HSD17B8: variants seen among roughly 807,000 people sequenced by gnomAD.
The protein encoded by HSD17B8 is hydroxysteroid 17-beta dehydrogenase 8, also known as (3R)-3-hydroxyacyl-CoA dehydrogenase.
Under a neutral mutation model 33.2 loss-of-function variants are expected in HSD17B8, and 23 were observed. The observed-to-expected ratio is 0.69, with a 90% confidence interval of 0.50 to 0.98. The LOEUF (loss-of-function observed/expected upper bound fraction) is 0.98, where lower values mean the gene tolerates loss of function less well. Ranked by LOEUF, HSD17B8 falls within the 50% of genes least tolerant of loss-of-function variation. The pLI is 0.00. For synonymous variants in HSD17B8, 137 were observed against 138.6 expected, an observed-to-expected ratio of 0.99 and a Z score of 0.08; for missense variants, 345 against 347.5, an observed-to-expected ratio of 0.99 and a Z score of 0.06.
At position 33,206,637 on chromosome 6, in the gene HSD17B8, G is replaced by A. The variant is rs1174917279; in HGVS notation, c.770-1G>A. On this transcript the variant is annotated splice_acceptor_variant, in intron 8 of 8. Coordinates refer to ENST00000374662, the MANE Select transcript of HSD17B8 (RefSeq NM_014234.5). LOFTEE classifies it high-confidence loss of function. The surrounding 1 kb of genome is among the most constrained non-coding windows in gnomAD (Gnocchi z 6.2). ...TGTCCAAATGTTTCTGCCCCTCCCA[G>A]GAGGTCTTTTCATGTAACTGCCTCA... 1 of 1,613,936 alleles carries A rather than the reference G, an allele frequency of 6.2e-7. No individual in the cohort carries two copies. The highest frequency in any genetic ancestry group is 1.3e-5 in the African/African-American group (1 of 74,990).
In HSD17B8 at chr6:33,206,052, T is replaced by C. The variant is rs1416578075; in HGVS notation, c.652-82T>C. ...AAATATTCAATGAATGTATGAGAAA[T>C]GAAGACAAAAAAGGGTCACAGACTC... On this transcript the variant is annotated intron_variant, in intron 6 of 8. Coordinates refer to ENST00000374662, the MANE Select transcript of HSD17B8 (RefSeq NM_014234.5). The surrounding 1 kb of genome is among the most constrained non-coding windows in gnomAD (Gnocchi z 6.2). 8 of 1,505,182 alleles carry C rather than the reference T, an allele frequency of 5.3e-6. No individual in the cohort carries two copies. The highest frequency in any genetic ancestry group is 7.3e-6 in the Non-Finnish European group (8 of 1,091,872). The allele number at this position is 1,505,182 out of a possible 1,614,324, so 93.2% of individuals were successfully genotyped here.
In HSD17B8 at chr6:33,206,066, G is replaced by C; in HGVS notation, c.652-68G>C. On this transcript the variant is annotated intron_variant, in intron 6 of 8. Transcript: ENST00000374662. The surrounding 1 kb of genome is among the most constrained non-coding windows in gnomAD (Gnocchi z 6.2). ...TGTATGAGAAATGAAGACAAAAAAGGGTCACAGACTCAGTCTTCAAAAAAA... is the reference window on the plus strand; with the variant it reads ...TGTATGAGAAATGAAGACAAAAAAGCGTCACAGACTCAGTCTTCAAAAAAA... 1 of 1,542,162 alleles carries C rather than the reference G, an allele frequency of 6.5e-7. No individual in the cohort carries two copies. Among genetic ancestry groups the C allele is most frequent in the East Asian group, 2.3e-5 (1 of 44,398 alleles).
At position 33,206,689 on chromosome 6, in the gene HSD17B8, C is replaced by A. The variant is rs567886650; in HGVS notation, c.*35C>A. 2.4e-5 allele frequency: 39 copies of A among 1,609,800 alleles called. No homozygotes were observed. The highest frequency in any genetic ancestry group is 2.3e-4 in the South Asian group (21 of 90,980). On this transcript the variant is annotated 3_prime_UTR_variant, in exon 9 of 9. Transcript: ENST00000374662. This position sits in a 1 kb window ranked among gnomAD's most constrained non-coding sequence, Gnocchi z 6.2. ...GGACCCTGGACTCTGCTCACCCCCC[C>A]ACCACTCTGCCTGGCCTCCTGCTGA...
Position 33,204,731 on chromosome 6 carries a change from T to G in HSD17B8, c.52+11T>G. ...TGGCCTTGGTCACAGGTTGAGGGGGTTCTTTCCCCGGGCGGTTTGGGGTAT... is the reference window on the plus strand; with the variant it reads ...TGGCCTTGGTCACAGGTTGAGGGGGGTCTTTCCCCGGGCGGTTTGGGGTAT... On this transcript the variant is annotated intron_variant, in intron 1 of 8. Transcript: ENST00000374662. The G allele has an allele frequency of 6.2e-7, 1 of 1,610,324 alleles. No homozygotes were observed. Among genetic ancestry groups the G allele is most frequent in the South Asian group, 1.1e-5 (1 of 91,024 alleles).
chr6:33,204,981 C>A lies in HSD17B8; in HGVS notation c.132C>A (p.Asp44Glu). The change falls in exon 2 of 9, where the codon GAC becomes GAA. Residue 44 changes from aspartate (D) to glutamate (E), a missense_variant. By Grantham distance (45) the Asp-to-Glu change is conservative (BLOSUM62 2). Transcript: ENST00000374662. ...EGATVAACDL[D>E]RAAAQETVRL... ...CCACCGTAGCTGCCTGCGACCTGGA[C>A]CGGGCAGCGGCACAGGAGACGGTGC... The A allele has an allele frequency of 6.7e-7, 1 of 1,481,638 alleles. No individual in the cohort carries two copies. The highest frequency in any genetic ancestry group is 8.9e-7 in the Non-Finnish European group (1 of 1,121,612). 91.8% of individuals were successfully genotyped at this position (1,481,638 alleles called of 1,614,324 possible). A position where few individuals can be genotyped will look rare whatever the true frequency, so the allele number is the denominator to read the frequency against.
At chr6:33,204,780 C>G (rs1774909846) in intron 1 of HSD17B8, 60 bp downstream of exon 1, 1 of 1,603,130 alleles carries the variant, frequency 6.2e-7, no homozygotes, top group Non-Finnish European at 8.5e-7. Context: ...GGGGCGTGCC[C>G]TTGGAGTGCG....
At position 33,205,465 on chromosome 6, in the gene HSD17B8, C is replaced by G. The variant is rs1266151086; in HGVS notation, c.406C>G (p.Gln136Glu). ...VNLKGTFLVT[Q>E]AAAQALVSNG... is the part of the protein sequence containing the mutation. ...CCGCCAGGGCACCTTCCTAGTCACT[C>G]AGGCTGCAGCACAAGCCCTGGTGTC... The change falls in exon 4 of 9, where the codon CAG (glutamine) becomes GAG (glutamate). Residue 136 changes from glutamine to glutamate, a missense_variant. Coordinates refer to ENST00000374662, the MANE Select transcript of HSD17B8 (RefSeq NM_014234.5). This position sits in a 1 kb window ranked among gnomAD's most constrained non-coding sequence, Gnocchi z 5.0. 6.2e-7 allele frequency: 1 copy of G among 1,613,182 alleles called. No individual in the cohort carries two copies. Among genetic ancestry groups the G allele is most frequent in the South Asian group, 1.1e-5 (1 of 91,088 alleles).
rs749654732 is a variant in HSD17B8, at chr6:33,206,671, G to C, written c.*17G>C. The C allele has an allele frequency of 3.1e-6, 5 of 1,613,430 alleles. 1 individual carries two copies. In the South Asian group the frequency reaches 5.5e-5, roughly 18 times the overall value. ...TTCATGTAACTGCCTCAAGGACCCTGGACTCTGCTCACCCCCCCACCACTC... is the reference window on the plus strand; with the variant it reads ...TTCATGTAACTGCCTCAAGGACCCTCGACTCTGCTCACCCCCCCACCACTC... On this transcript the variant is annotated 3_prime_UTR_variant, in exon 9 of 9. Transcript: ENST00000374662. This position sits in a 1 kb window ranked among gnomAD's most constrained non-coding sequence, Gnocchi z 6.2.
rs752825641 is a variant in HSD17B8, at chr6:33,205,559, G to A, written c.480+20G>A. 6.8e-6 allele frequency: 11 copies of A among 1,612,480 alleles called. No homozygotes were observed. The highest frequency in any genetic ancestry group is 9.3e-6 in the Non-Finnish European group (11 of 1,179,494). On this transcript the variant is annotated intron_variant, in intron 4 of 8. Transcript: ENST00000374662. This position sits in a 1 kb window ranked among gnomAD's most constrained non-coding sequence, Gnocchi z 5.0. ...GGAAAGGTCAGGTTGAGTTGGACGAGGTCAGCCAGCCAAGTGGTATAGAGA... is the reference window on the plus strand; with the variant it reads ...GGAAAGGTCAGGTTGAGTTGGACGAAGTCAGCCAGCCAAGTGGTATAGAGA...
Position 33,205,579 on chromosome 6 carries a change from T to G in HSD17B8, c.480+40T>G. The G allele has an allele frequency of 1.2e-6, 2 of 1,611,426 alleles. No individual in the cohort carries two copies. The highest frequency in any genetic ancestry group is 1.7e-6 in the Non-Finnish European group (2 of 1,178,542). Reference sequence around the variant, plus strand: ...GACGAGGTCAGCCAGCCAAGTGGTATAGAGAGGAGAACCCCTCCTTGAGAC... The same window carrying G: ...GACGAGGTCAGCCAGCCAAGTGGTAGAGAGAGGAGAACCCCTCCTTGAGAC... On this transcript the variant is annotated intron_variant, in intron 4 of 8. Coordinates refer to ENST00000374662, the MANE Select transcript of HSD17B8 (RefSeq NM_014234.5). The surrounding 1 kb of genome is among the most constrained non-coding windows in gnomAD (Gnocchi z 5.0).
rs763890055 is a variant in HSD17B8 at position 33,205,052 on chromosome 6, ACCATGCTGCCTT to A, written c.207_218del (p.His69_Phe72del). On this transcript the variant is annotated inframe_deletion, in exon 2 of 9. Coordinates refer to ENST00000374662, the MANE Select transcript of HSD17B8 (RefSeq NM_014234.5). This position sits in a 1 kb window ranked among gnomAD's most constrained non-coding sequence, Gnocchi z 5.0. ...AGCAAGGAGGGGCCGCCCCGAGGGA[ACCATGCTGCCTT>A]CCAGGCTGACGTGTCTGAGGCCAGG... 6.4e-7 allele frequency: 1 copy of A among 1,557,342 alleles called. No individual in the cohort carries two copies. Among genetic ancestry groups the A allele is most frequent in the South Asian group, 1.2e-5 (1 of 81,852 alleles).
In HSD17B8 at chr6:33,205,776, G is replaced by A; in HGVS notation, c.566+51G>A. ...GGGAGCACCTGGGGGGTCTGAGGGAGGTACCAGCATTCAGCCCTCTCCAGA... is the reference window on the plus strand; with the variant it reads ...GGGAGCACCTGGGGGGTCTGAGGGAAGTACCAGCATTCAGCCCTCTCCAGA... On this transcript the variant is annotated intron_variant, in intron 5 of 8. Transcript: ENST00000374662. This position sits in a 1 kb window ranked among gnomAD's most constrained non-coding sequence, Gnocchi z 5.0. 6.2e-7 allele frequency: 1 copy of A among 1,609,598 alleles called. No individual in the cohort carries two copies. Among genetic ancestry groups the A allele is most frequent in the South Asian group, 1.1e-5 (1 of 91,016 alleles).
Position 33,205,477 on chromosome 6 carries a change from C to T in HSD17B8, c.418C>T (p.Gln140Ter). ...GTFLVTQAAAQALVSNGCRGS... is the reference protein window; with the variant it reads ...GTFLVTQAAA ...CTTCCTAGTCACTCAGGCTGCAGCA[C>T]AAGCCCTGGTGTCCAATGGTTGTCG... The change falls in exon 4 of 9, where the codon CAA (glutamine) becomes TAA (stop). Residue 140 changes from glutamine (Q) to a stop codon, truncating the protein, a stop_gained. Transcript: ENST00000374662. LOFTEE classifies it high-confidence loss of function. This position sits in a 1 kb window ranked among gnomAD's most constrained non-coding sequence, Gnocchi z 5.0. 6.2e-7 allele frequency: 1 copy of T among 1,613,156 alleles called. No individual in the cohort carries two copies. The highest frequency in any genetic ancestry group is 8.5e-7 in the Non-Finnish European group (1 of 1,180,028).
chr6:33,206,122 A>G lies in HSD17B8; in HGVS notation c.652-12A>G. On this transcript the variant is annotated splice_polypyrimidine_tract_variant and intron_variant, in intron 6 of 8. Transcript: ENST00000374662. This position sits in a 1 kb window ranked among gnomAD's most constrained non-coding sequence, Gnocchi z 6.2. ...AAAAGAAGCTTTCACCCACATGAGT[A>G]TTTCCTTACAGATTACTGAAATGAT... The G allele has an allele frequency of 1.2e-6, 2 of 1,612,310 alleles. No homozygotes were observed. The highest frequency in any genetic ancestry group is 1.1e-5 in the South Asian group (1 of 91,028).
chr6:33,205,340 G>GGC lies in HSD17B8; in HGVS notation c.387+5_387+6dup, dbSNP rs748430763. 6.2e-7 allele frequency: 1 copy of GGC among 1,612,414 alleles called. No individual in the cohort carries two copies. The highest frequency in any genetic ancestry group is 1.1e-5 in the South Asian group (1 of 91,052). On this transcript the variant is annotated splice_donor_region_variant and intron_variant, in intron 3 of 8. Coordinates refer to ENST00000374662, the MANE Select transcript of HSD17B8 (RefSeq NM_014234.5). This position sits in a 1 kb window ranked among gnomAD's most constrained non-coding sequence, Gnocchi z 5.0. ...AAGTCATAGCTGTCAACCTCAAGGTGGCGATCTCTGAACCTGCGACGTTTG... is the reference window on the plus strand; with the variant it reads ...AAGTCATAGCTGTCAACCTCAAGGTGGCGCGATCTCTGAACCTGCGACGTTTG...
In HSD17B8 at chr6:33,205,138, T is replaced by G; in HGVS notation, c.270+19T>G. On this transcript the variant is annotated intron_variant, in intron 2 of 8. Transcript: ENST00000374662. The surrounding 1 kb of genome is among the most constrained non-coding windows in gnomAD (Gnocchi z 5.0). The stretch of plus-strand genomic sequence containing the variant: ...AGTGCAGGTGAACGCTAGGCCACTT[T>G]CCCCCTCTAAAGCTCTGATATTGCC... 6.3e-7 allele frequency: 1 copy of G among 1,582,256 alleles called. No homozygotes were observed.
At position 33,206,437 on chromosome 6, in the gene HSD17B8, G is replaced by A; in HGVS notation, c.757G>A (p.Val253Met). ...TAGTGGATACATCACAGGGACCTCA[G>A]TGGAAGTCACTGGTATGAGGCCAGC... ...EDSGYITGTS[V>M]EVTGGLFM The change falls in exon 8 of 9, where the codon GTG becomes ATG. Residue 253 changes from valine to methionine, a missense_variant. By Grantham distance (21) the Val-to-Met change is conservative (BLOSUM62 1). Transcript: ENST00000374662. The surrounding 1 kb of genome is among the most constrained non-coding windows in gnomAD (Gnocchi z 6.2). 1 of 1,613,794 alleles carries A rather than the reference G, an allele frequency of 6.2e-7. No individual in the cohort carries two copies. Among genetic ancestry groups the A allele is most frequent in the Non-Finnish European group, 8.5e-7 (1 of 1,179,660 alleles).
In HSD17B8 at chr6:33,205,585, G is replaced by A; in HGVS notation, c.480+46G>A. 6.2e-7 allele frequency: 1 copy of A among 1,611,238 alleles called. No individual in the cohort carries two copies. ...GTCAGCCAGCCAAGTGGTATAGAGA[G>A]GAGAACCCCTCCTTGAGACTCCTGA... On this transcript the variant is annotated intron_variant, in intron 4 of 8. Coordinates refer to ENST00000374662, the MANE Select transcript of HSD17B8 (RefSeq NM_014234.5). The surrounding 1 kb of genome is among the most constrained non-coding windows in gnomAD (Gnocchi z 5.0).
In HSD17B8 at chr6:33,206,682, A is replaced by C. The variant is rs1554235188; in HGVS notation, c.*28A>C. On this transcript the variant is annotated 3_prime_UTR_variant, in exon 9 of 9. Transcript: ENST00000374662. This position sits in a 1 kb window ranked among gnomAD's most constrained non-coding sequence, Gnocchi z 6.2. ...GCCTCAAGGACCCTGGACTCTGCTCACCCCCCCACCACTCTGCCTGGCCTC... is the reference window on the plus strand; with the variant it reads ...GCCTCAAGGACCCTGGACTCTGCTCCCCCCCCCACCACTCTGCCTGGCCTC... The C allele has an allele frequency of 2.5e-6, 4 of 1,610,410 alleles. No individual in the cohort carries two copies.
Sources: allele counts gnomAD v4.1 joint callset, GRCh38; gene constraint gnomAD v4.1.1; non-coding constraint Gnocchi (gnomAD v3.1); transcripts MANE v1.5; gene names NCBI Gene and HGNC (gene_info 2026-07-23, HGNC 2026-07-21).